Variants in DENND5B observed in about 807,000 individuals in gnomAD.
DENND5B encodes DENN domain containing 5B, also known as DENN domain-containing protein 5B.
Under a neutral mutation model 140.6 loss-of-function variants are expected in DENND5B, and 34 were observed. The ratio of observed to expected loss-of-function variants is 0.24; its 90% CI spans 0.18 to 0.32. The LOEUF (loss-of-function observed/expected upper bound fraction) is 0.32, where lower values mean the gene tolerates loss of function less well. Among genes scored for constraint, DENND5B ranks in the 10% least tolerant of loss-of-function variants. The pLI is 1.00. For missense variants in DENND5B, 1,142 were observed against 1,560.2 expected (o/e 0.73, Z 4.52); for synonymous variants, 551 against 562.1 (o/e 0.98, Z 0.28).
chr12:31,494,127 A>C (rs958598450), intron 2 of DENND5B, among the ~76,000 whole-genome samples: 12 of 151,268 alleles, frequency 7.9e-5, no homozygotes, highest in African/African-American at 2.0e-4. Context: ...AAGGTTGACT[A>C]TCTCTCTATC....
chr12:31,452,110 G>T lies in DENND5B; in HGVS notation c.1459C>A (p.His487Asn), dbSNP rs1056320. Residue 487 changes from histidine (H) to asparagine (N), a missense_variant, in exon 5 of 21, where the codon CAT becomes AAT. By Grantham distance (68) the His-to-Asn change is moderately conservative (BLOSUM62 1). Coordinates refer to ENST00000389082, the MANE Select transcript of DENND5B (RefSeq NM_144973.4). ...TCCCTTAGTTCTGCCTCTTCACAAT[G>T]CAGTTTTAAATCCTTGTCTTTTTCA... ...LGEKDKDLKLHCEEAELRDYQ... is the reference protein window; with the variant it reads ...LGEKDKDLKLNCEEAELRDYQ... 196,834 of 1,613,694 alleles carry T rather than the reference G, an allele frequency of 0.12. 13,494 individuals are homozygous for T. The highest frequency in any genetic ancestry group is 0.26 in the East Asian group (11,481 of 44,868).
rs1950602447 is a variant in DENND5B at position 31,591,021 on chromosome 12, G to C, written c.-189C>G. 3.7e-6 allele frequency: 2 copies of C among 536,540 alleles called. No individual in the cohort carries two copies. The highest frequency in any genetic ancestry group is 2.7e-4 in the East Asian group (2 of 7,306). The allele number at this position is 536,540 out of a possible 1,614,324, so 33.2% of individuals were successfully genotyped here. Reference sequence around the variant, plus strand: ...CTCGGCGCGGGGGAAGCGGCCGCGGGCTCGCGCGCGGCGGGTCCGGAGCCC... The same window carrying C: ...CTCGGCGCGGGGGAAGCGGCCGCGGCCTCGCGCGCGGCGGGTCCGGAGCCC... On this transcript the variant is annotated 5_prime_UTR_variant, in exon 1 of 21. Transcript: ENST00000389082.
chr12:31,590,538 A>G, intron 1 of DENND5B, 168 bp downstream of exon 1: 1 of 830,758 alleles, frequency 1.2e-6, no homozygotes, highest in Non-Finnish European at 1.7e-6. Flanking sequence ...CGCGGAATAA[A>G]TAACAATGTC....
intron 13 of DENND5B, among the ~76,000 whole-genome samples, chr12:31,412,981 C>T (rs1245672076): frequency 1.3e-5 from 2 of 151,960 alleles, no homozygotes; most frequent in African/African-American, 4.8e-5. Context: ...AGCGCAGTGA[C>T]ATGATCTCAG....
chr12:31,423,744 C>A, intron 10 of DENND5B, 69 bp from the exon 11 acceptor site: 1 of 1,497,680 alleles, frequency 6.7e-7, no homozygotes, highest in South Asian at 1.1e-5. Context: ...TCATCCAAAT[C>A]ATTCATATTC....
At chr12:31,529,912 CTTTT>C (rs1447711459) in intron 1 of DENND5B, among the ~76,000 whole-genome samples, 1 of 152,194 alleles carries the variant, frequency 6.6e-6, no homozygotes, top group East Asian at 1.9e-4. Flanking sequence ...CACAACTGCA[CTTTT>C]TTATTTTATT....
intron 12 of DENND5B, among the ~76,000 whole-genome samples, chr12:31,414,921 CAAA>C (rs34987633): frequency 1.8e-5 from 2 of 109,612 alleles, no homozygotes; most frequent in East Asian, 3.1e-4. Flanking sequence ...GACGCCATCT[CAAA>C]AAAAAAAAAA....
intron 1 of DENND5B, among the ~76,000 whole-genome samples, chr12:31,507,910 A>G (rs1163885155): frequency 6.6e-6 from 1 of 152,244 alleles, no homozygotes; most frequent in Admixed American, 6.5e-5. Context: ...TTATTACTAA[A>G]TTAGAAACAC....
intron 1 of DENND5B, among the ~76,000 whole-genome samples, chr12:31,565,432 T>C (rs1949592629): frequency 6.6e-6 from 1 of 152,224 alleles, no homozygotes. Flanking sequence ...AAGCAATTTA[T>C]ACATCTTGCT....
intron 1 of DENND5B, chr12:31,534,950 T>G: frequency 3.5e-6 from 1 of 283,704 alleles, no homozygotes. Context: ...GGCGTGTGCC[T>G]GTAGTCCCAG....
chr12:31,421,323 G>A (rs1943013007), intron 11 of DENND5B, among the ~76,000 whole-genome samples: 1 of 152,094 alleles, frequency 6.6e-6, no homozygotes, highest in African/African-American at 2.4e-5. Flanking sequence ...AGGATTACAG[G>A]CATGAGCCAC....
rs527879588 is a variant in DENND5B at position 31,469,346 on chromosome 12, AAAGAAG to A, written c.905-8971_905-8966del. ...AGACTCCATCTCAAAAAAAAAAAAA[AAAGAAG>A]AAGAAGAAGAAGAAGAAATATAGAG... On this transcript the variant is annotated intron_variant, in intron 3 of 20. Transcript: ENST00000389082. 5.4e-3 allele frequency among the ~76,000 whole-genome samples: 701 copies of A among 130,192 alleles called. 6 individuals are homozygous for A. Among genetic ancestry groups the A allele is most frequent in the African/African-American group, 0.017 (624 of 36,934 alleles). The allele number at this position is 130,192 out of a possible 152,430, so 85.4% of individuals were successfully genotyped here.
At chr12:31,464,507 C>G (rs116887802) in intron 3 of DENND5B, among the ~76,000 whole-genome samples, 3,115 of 152,246 alleles carry the variant, frequency 0.02, 56 homozygotes, top group South Asian at 0.052. Context: ...TCTTCATGGT[C>G]TCTCTTCCCC....
chr12:31,548,910 T>C (rs971638296), intron 1 of DENND5B, among the ~76,000 whole-genome samples: 4 of 152,086 alleles, frequency 2.6e-5, no homozygotes, highest in Non-Finnish European at 4.4e-5. Context: ...TTTTTTTCCT[T>C]TAGAGACTGG....
At chr12:31,461,116 G>A (rs1261300535) in intron 3 of DENND5B, among the ~76,000 whole-genome samples, 3 of 152,142 alleles carry the variant, frequency 2.0e-5, no homozygotes, top group Non-Finnish European at 4.4e-5. Flanking sequence ...GTCTGGCCCC[G>A]TCGCCCAGGC....
chr12:31,461,069 C>T (rs1444202223), intron 3 of DENND5B, among the ~76,000 whole-genome samples: 4 of 151,830 alleles, frequency 2.6e-5, no homozygotes, highest in Admixed American at 2.6e-4. Context: ...AATGCTTACA[C>T]AATTCCCATT....
Position 31,409,013 on chromosome 12 carries a change from G to A in DENND5B, c.2803+250C>T, listed in dbSNP as rs192478041. Among the ~76,000 whole-genome samples, 15 of 152,322 alleles carry A rather than the reference G, an allele frequency of 9.8e-5. No homozygotes were observed. The East Asian group carries it at 2.9e-3, about 29-fold the overall frequency. ...CCCTTTGTTCAGTCATGGGATGCTG[G>A]CTGGAACTGACAGAAGGTATCATCT... On this transcript the variant is annotated intron_variant, in intron 14 of 20. Transcript: ENST00000389082.
At chr12:31,415,583 CA>C in intron 11 of DENND5B, 135 bp from the exon 12 acceptor site, 1 of 664,266 alleles carries the variant, frequency 1.5e-6, no homozygotes, top group South Asian at 1.9e-5. Context: ...TGTCAAAAAA[CA>C]AATTTTAAAG....
intron 1 of DENND5B, among the ~76,000 whole-genome samples, chr12:31,576,730 T>A (rs1442379409): frequency 6.6e-6 from 1 of 150,654 alleles, no homozygotes; most frequent in South Asian, 2.1e-4. Flanking sequence ...AAAAAAAAAA[T>A]GTTTTTTTTA....
Sources: gnomAD v4.1 joint callset for allele counts (sites outside exome capture counted in the v4.1 genomes callset) on GRCh38, gnomAD v4.1.1 for gene constraint, MANE v1.5 for transcripts, NCBI Gene and HGNC (gene_info 2026-07-23, HGNC 2026-07-21) for gene names.